CEP112: variants seen among roughly 807,000 people sequenced by gnomAD.
The protein encoded by CEP112 is centrosomal protein of 112 kDa.
In CEP112, 127 loss-of-function variants were observed where a neutral mutation model predicts 153.0. That is an observed-to-expected ratio of 0.83 (90% CI 0.72 to 0.96). CEP112 has a LOEUF of 0.96. Ranked by LOEUF, CEP112 falls within the 40% of genes least tolerant of loss-of-function variation. CEP112 has a pLI of 0.00. For missense variants in CEP112, 1,089 were observed against 1,101.2 expected (o/e 0.99, Z 0.16); for synonymous variants, 358 against 374.4 (o/e 0.96, Z 0.51).
intron 20 of CEP112, among the ~76,000 whole-genome samples, chr17:65,882,715 T>G (rs1265683956): frequency 3.9e-5 from 6 of 152,248 alleles, no homozygotes; most frequent in Non-Finnish European, 7.3e-5. Flanking sequence ...AGTATAGGCT[T>G]ATGTTATACA....
chr17:66,016,740 C>T (rs1225865446), intron 16 of CEP112, among the ~76,000 whole-genome samples: 1 of 152,100 alleles, frequency 6.6e-6, no homozygotes, highest in Admixed American at 6.5e-5. Flanking sequence ...CCTCTATTTA[C>T]TGTTGATTTT....
intron 21 of CEP112, among the ~76,000 whole-genome samples, chr17:65,796,670 T>G (rs768094750): frequency 2.0e-5 from 3 of 151,826 alleles, no homozygotes; most frequent in Non-Finnish European, 2.9e-5. Context: ...TTTGAAAATA[T>G]CAGTTAAAGT....
At chr17:65,729,398 T>C (rs559732842) in intron 23 of CEP112, among the ~76,000 whole-genome samples, 11 of 152,268 alleles carry the variant, frequency 7.2e-5, no homozygotes, top group Admixed American at 7.2e-4. Context: ...GTAGCATATA[T>C]GAGGCTGGTG....
rs9908471 is a variant in CEP112 at position 65,670,944 on chromosome 17, G to T, written c.2697+18185C>A. 3.3e-5 allele frequency among the ~76,000 whole-genome samples: 5 copies of T among 151,590 alleles called. No homozygotes were observed. In the East Asian group the frequency reaches 9.7e-4, roughly 29 times the overall value. The stretch of plus-strand genomic sequence containing the variant: ...ACTAAGCTCAGTACAGATAACTGGG[G>T]AATCAACTCACACTACAGTCGTTGA... On this transcript the variant is annotated intron_variant, in intron 24 of 26. Transcript: ENST00000535342.
intron 12 of CEP112, among the ~76,000 whole-genome samples, chr17:66,050,745 G>A (rs2066404349): frequency 6.6e-6 from 1 of 152,010 alleles, no homozygotes; most frequent in Non-Finnish European, 1.5e-5. Flanking sequence ...TGGAGCCTCT[G>A]GAGCTCCCAT....
At chr17:66,013,389 T>TTTTTGTTTTG (rs1209641185) in intron 16 of CEP112, among the ~76,000 whole-genome samples, 1 of 151,836 alleles carries the variant, frequency 6.6e-6, no homozygotes, top group Non-Finnish European at 1.5e-5. Context: ...GATGGTGGGG[T>TTTTTGTTTTG]TTTTGTTTTG....
chr17:65,917,736 T>C (rs2060546804), intron 19 of CEP112, among the ~76,000 whole-genome samples: 2 of 151,914 alleles, frequency 1.3e-5, no homozygotes, highest in Non-Finnish European at 2.9e-5. Context: ...CTGGCCATCA[T>C]CCAAGGCCAG....
At chr17:65,847,123 T>A (rs1488383239) in intron 21 of CEP112, among the ~76,000 whole-genome samples, 1 of 152,160 alleles carries the variant, frequency 6.6e-6, no homozygotes, top group Non-Finnish European at 1.5e-5. Context: ...CACCAGCCTA[T>A]GTAAAAGAGA....
At chr17:65,806,761 C>T (rs1055353036) in intron 21 of CEP112, among the ~76,000 whole-genome samples, 6 of 152,158 alleles carry the variant, frequency 3.9e-5, no homozygotes, top group Admixed American at 3.3e-4. Flanking sequence ...CTGGGGCCTC[C>T]CAGTCATGCT....
At chr17:66,077,288 A>G (rs958295009) in intron 8 of CEP112, among the ~76,000 whole-genome samples, 2 of 152,212 alleles carry the variant, frequency 1.3e-5, no homozygotes, top group African/African-American at 4.8e-5. Flanking sequence ...GCCCAATTCA[A>G]GGAAATCCAA....
At chr17:65,758,638 A>C (rs1218906287) in intron 21 of CEP112, among the ~76,000 whole-genome samples, 1 of 152,230 alleles carries the variant, frequency 6.6e-6, no homozygotes, top group Admixed American at 6.5e-5. Context: ...GCAAGCCCAG[A>C]TCTTACTATG....
intron 21 of CEP112, among the ~76,000 whole-genome samples, chr17:65,772,273 T>C (rs969155306): frequency 3.3e-5 from 5 of 151,736 alleles, no homozygotes; most frequent in African/African-American, 9.7e-5. Context: ...ATCAATGAAT[T>C]AGAAAAGAGG....
intron 21 of CEP112, among the ~76,000 whole-genome samples, chr17:65,761,392 G>A (rs1232650117): frequency 6.6e-6 from 1 of 152,018 alleles, no homozygotes; most frequent in East Asian, 1.9e-4. Flanking sequence ...ACAGGTACAT[G>A]ACACTGCCTT....
chr17:65,931,235 A>T (rs1484570548), intron 18 of CEP112, among the ~76,000 whole-genome samples: 1 of 152,250 alleles, frequency 6.6e-6, no homozygotes, highest in Non-Finnish European at 1.5e-5. Context: ...TAGAAATCCA[A>T]CTAGCAACAA....
At chr17:65,911,208 GC>G (rs1195912664) in intron 19 of CEP112, among the ~76,000 whole-genome samples, 1 of 152,176 alleles carries the variant, frequency 6.6e-6, no homozygotes, top group Non-Finnish European at 1.5e-5. Context: ...ATGAAGTTGT[GC>G]AAAAATCCTG....
intron 12 of CEP112, among the ~76,000 whole-genome samples, chr17:66,036,575 C>T (rs1267710773): frequency 1.3e-5 from 2 of 152,138 alleles, no homozygotes; most frequent in Non-Finnish European, 2.9e-5. Flanking sequence ...TAGGCCATTT[C>T]TCTTTCCCGC....
At chr17:65,707,052 T>G (rs1288910748) in intron 23 of CEP112, among the ~76,000 whole-genome samples, 1 of 152,218 alleles carries the variant, frequency 6.6e-6, no homozygotes, top group Admixed American at 6.5e-5. Flanking sequence ...TCTTTTAATT[T>G]GGTCCACTTC....
At chr17:65,770,483 T>C (rs562846220) in intron 21 of CEP112, among the ~76,000 whole-genome samples, 1 of 151,922 alleles carries the variant, frequency 6.6e-6, no homozygotes, top group Non-Finnish European at 1.5e-5. Flanking sequence ...ACAAAAAAGG[T>C]TGAAATAAGT....
At chr17:66,129,632 C>T (rs1219508959) in intron 6 of CEP112, 114 bp downstream of exon 6, 1 of 704,594 alleles carries the variant, frequency 1.4e-6, no homozygotes, top group Non-Finnish European at 2.4e-6. Flanking sequence ...CACACAGTAA[C>T]ATATGTCTAA....
Sources: gnomAD v4.1 joint callset for allele counts (sites outside exome capture counted in the v4.1 genomes callset) on GRCh38, gnomAD v4.1.1 for gene constraint, MANE v1.5 for transcripts, NCBI Gene and HGNC (gene_info 2026-07-23, HGNC 2026-07-21) for gene names.